SDR42E1: variants seen among roughly 807,000 people sequenced by gnomAD.
SDR42E1 encodes short-chain dehydrogenase/reductase family 42E member 1.
In SDR42E1, 5 loss-of-function variants were observed where a neutral mutation model predicts 2.6. The observed-to-expected ratio is 1.94, with a 90% CI of 1.01 to 4.08. The LOEUF (loss-of-function observed/expected upper bound fraction) is 4.08, where lower values mean the gene tolerates loss of function less well. Ranked by LOEUF, SDR42E1 falls within the 30% of genes most tolerant of loss-of-function variation. The pLI is 0.00. For missense variants in SDR42E1, 596 were observed against 478.6 expected (o/e 1.25, Z -2.29); for synonymous variants, 231 against 188.3 (o/e 1.23, Z -1.86).
chr16:82,008,052 T>G (rs916502019), intron 1 of SDR42E1, among the ~76,000 whole-genome samples: 1 of 152,194 alleles, frequency 6.6e-6, no homozygotes, highest in African/African-American at 2.4e-5. Flanking sequence ...TCCTGTGCTA[T>G]TCTCATGATA....
At chr16:82,000,664 G>T in intron 2 of SDR42E1, 127 bp downstream of exon 2, 1 of 704,138 alleles carries the variant, frequency 1.4e-6, no homozygotes, top group Non-Finnish European at 2.4e-6. Context: ...TGAGCAGTGG[G>T]CAACACAGAT....
intron 1 of SDR42E1, among the ~76,000 whole-genome samples, chr16:82,005,484 A>G (rs1353435417): frequency 6.6e-6 from 1 of 152,178 alleles, no homozygotes; most frequent in Non-Finnish European, 1.5e-5. Flanking sequence ...GATCCCCAAC[A>G]TTGATAAGCA....
intron 1 of SDR42E1, among the ~76,000 whole-genome samples, chr16:82,008,431 T>C (rs1032473687): frequency 6.6e-6 from 1 of 152,212 alleles, no homozygotes; most frequent in Non-Finnish European, 1.5e-5. Flanking sequence ...TGGAACTTCC[T>C]AGAGACTTGT....
At chr16:82,001,550 C>G (rs765858619) in intron 1 of SDR42E1, among the ~76,000 whole-genome samples, 4 of 151,982 alleles carry the variant, frequency 2.6e-5, no homozygotes, top group Non-Finnish European at 4.4e-5. Context: ...TCCAAGGCCC[C>G]CTTCTCCCAA....
chr16:81,994,419 A>T lies in SDR42E1; in HGVS notation c.*4692T>A, dbSNP rs1294779029. On this transcript the variant is annotated 3_prime_UTR_variant, in exon 3 of 3. Coordinates refer to ENST00000328945, the MANE Select transcript of SDR42E1 (RefSeq NM_145168.3). ...CTCTGGGAGAAAGGCTGAAAGGATGACGCTGACTGGCCCATCGTGGCCCAA... is the reference window on the plus strand; with the variant it reads ...CTCTGGGAGAAAGGCTGAAAGGATGTCGCTGACTGGCCCATCGTGGCCCAA... The T allele has an allele frequency of 2.0e-5, 3 of 152,276 alleles. No homozygotes were observed. Among genetic ancestry groups the T allele is most frequent in the East Asian group, 3.9e-4 (2 of 5,190 alleles). The allele number at this position is 152,276 out of a possible 1,614,324, so 9.4% of individuals were successfully genotyped here. A position where few individuals can be genotyped will look rare whatever the true frequency, so the allele number is the denominator to read the frequency against.
At chr16:82,001,956 G>A (rs1247357831) in intron 1 of SDR42E1, among the ~76,000 whole-genome samples, 1 of 130,266 alleles carries the variant, frequency 7.7e-6, no homozygotes, top group African/African-American at 4.4e-5. Flanking sequence ...GGCACTGGGT[G>A]CGTATACACA....
Position 81,998,967 on chromosome 16 carries a change from A to G in SDR42E1, c.*144T>C. On this transcript the variant is annotated 3_prime_UTR_variant, in exon 3 of 3. Coordinates refer to ENST00000328945, the MANE Select transcript of SDR42E1 (RefSeq NM_145168.3). ...GGATTAGTGCAAGGAAATAAGACAT[A>G]AAGATTCAATCCAAGAACCTATTCT... 1.2e-6 allele frequency: 1 copy of G among 805,614 alleles called. No homozygotes were observed. The highest frequency in any genetic ancestry group is 1.9e-6 in the Non-Finnish European group (1 of 523,672). 49.9% of individuals were successfully genotyped at this position (805,614 alleles called of 1,614,324 possible).
In SDR42E1 at chr16:81,992,465, G is replaced by T. The variant is rs1912449421; in HGVS notation, c.*6646C>A. The T allele has an allele frequency of 6.6e-6, 1 of 152,120 alleles. No homozygotes were observed. Among genetic ancestry groups the T allele is most frequent in the African/African-American group, 2.4e-5 (1 of 41,426 alleles). The allele number at this position is 152,120 out of a possible 1,614,324, so 9.4% of individuals were successfully genotyped here. On this transcript the variant is annotated 3_prime_UTR_variant, in exon 3 of 3. Transcript: ENST00000328945. ...GACACTAACTCCTAGTGACTGTTAA[G>T]AGCAAAAGACGACTCATTCTTATAA...
intron 2 of SDR42E1, 37 bp downstream of exon 2, chr16:82,000,754 A>G: frequency 6.7e-7 from 1 of 1,491,636 alleles, no homozygotes; most frequent in Non-Finnish European, 9.3e-7. Flanking sequence ...ACTACCAGTA[A>G]AATAATTCCA....
chr16:81,990,135 G>A lies in SDR42E1; in HGVS notation c.*8976C>T, dbSNP rs1174472235. On this transcript the variant is annotated 3_prime_UTR_variant, in exon 3 of 3. Coordinates refer to ENST00000328945, the MANE Select transcript of SDR42E1 (RefSeq NM_145168.3). ...GAGACCAGCCTGGGCAAAACGGTGA[G>A]ACCCTGTCTCTACAAAAGACGACAG... The A allele has an allele frequency of 6.6e-6, 1 of 152,270 alleles. No individual in the cohort carries two copies. The highest frequency in any genetic ancestry group is 1.5e-5 in the Non-Finnish European group (1 of 68,140). 9.4% of individuals were successfully genotyped at this position (152,270 alleles called of 1,614,324 possible).
At chr16:82,002,032 G>A (rs1432648021) in intron 1 of SDR42E1, among the ~76,000 whole-genome samples, 1 of 150,822 alleles carries the variant, frequency 6.6e-6, no homozygotes, top group Admixed American at 6.6e-5. Context: ...TCAGAGGTGT[G>A]GTTAGGCATG....
intron 1 of SDR42E1, among the ~76,000 whole-genome samples, chr16:82,009,539 A>G (rs1913057457): frequency 6.6e-6 from 1 of 152,238 alleles, no homozygotes; most frequent in African/African-American, 2.4e-5. Flanking sequence ...TTAGACTTGC[A>G]TGGGGCCTGT....
rs1912428391 is a variant in SDR42E1, at chr16:81,991,521, A to C, written c.*7590T>G. The C allele has an allele frequency of 6.6e-6, 1 of 152,048 alleles. No individual in the cohort carries two copies. Among genetic ancestry groups the C allele is most frequent in the Non-Finnish European group, 1.5e-5 (1 of 68,028 alleles). 9.4% of individuals were successfully genotyped at this position (152,048 alleles called of 1,614,324 possible). ...TGCTTGGGGCAAGGAATTCAAGACC[A>C]GCCCAGGTAACATAGTGAAACACCG... On this transcript the variant is annotated 3_prime_UTR_variant, in exon 3 of 3. Transcript: ENST00000328945.
intron 1 of SDR42E1, among the ~76,000 whole-genome samples, chr16:82,010,520 C>T (rs1036402395): frequency 6.6e-6 from 1 of 152,174 alleles, no homozygotes; most frequent in African/African-American, 2.4e-5. Flanking sequence ...TAGGGCAAAC[C>T]TGCCTCCCAT....
chr16:82,011,068 C>A (rs1047531576), intron 1 of SDR42E1, among the ~76,000 whole-genome samples: 1 of 152,172 alleles, frequency 6.6e-6, no homozygotes, highest in African/African-American at 2.4e-5. Context: ...CCAAAGTGTG[C>A]AGAAAATCAA....
rs1460039705 is a variant in SDR42E1, at chr16:81,992,277, A to G, written c.*6834T>C. On this transcript the variant is annotated 3_prime_UTR_variant, in exon 3 of 3. Coordinates refer to ENST00000328945, the MANE Select transcript of SDR42E1 (RefSeq NM_145168.3). Reference sequence around the variant, plus strand: ...TAGTTAACTAGGGTGACAGGTTAATATTGATCATTAGCTTCATGTTGAACA... The same window carrying G: ...TAGTTAACTAGGGTGACAGGTTAATGTTGATCATTAGCTTCATGTTGAACA... 1 of 152,244 alleles carries G rather than the reference A, an allele frequency of 6.6e-6. No individual in the cohort carries two copies. Among genetic ancestry groups the G allele is most frequent in the East Asian group, 1.9e-4 (1 of 5,196 alleles). The allele number at this position is 152,244 out of a possible 1,614,324, so 9.4% of individuals were successfully genotyped here. A position where few individuals can be genotyped will look rare whatever the true frequency, so the allele number is the denominator to read the frequency against.
At position 81,999,271 on chromosome 16, in the gene SDR42E1, A is replaced by G; in HGVS notation, c.1022T>C (p.Phe341Ser). 1 of 1,614,216 alleles carries G rather than the reference A, an allele frequency of 6.2e-7. No individual in the cohort carries two copies. The highest frequency in any genetic ancestry group is 2.2e-5 in the East Asian group (1 of 44,876). The change falls in exon 3 of 3, where the codon TTT becomes TCT. Residue 341 changes from phenylalanine (F) to serine (S), a missense_variant. Phe to Ser is a radical substitution (Grantham distance 155, BLOSUM62 -2). Transcript: ENST00000328945. ...CCATTCCACTGCTTCCTGGAGGTCA[A>G]ATGGCTGAGCCTTATAACCTAGCTC... Reference protein sequence around the residue: ...KKELGYKAQPFDLQEAVEWFK... With the variant: ...KKELGYKAQPSDLQEAVEWFK...
chr16:82,005,463 C>T (rs1180816825), intron 1 of SDR42E1, among the ~76,000 whole-genome samples: 1 of 152,190 alleles, frequency 6.6e-6, no homozygotes, highest in Non-Finnish European at 1.5e-5. Flanking sequence ...GGAGCCGCCT[C>T]CTCCCTTCCT....
intron 1 of SDR42E1, among the ~76,000 whole-genome samples, chr16:82,008,960 C>T (rs965725554): frequency 2.0e-5 from 3 of 152,212 alleles, no homozygotes; most frequent in Non-Finnish European, 2.9e-5. Context: ...TGCTCTGCGT[C>T]CCAGCTGCTC....
Sources: gnomAD v4.1 joint callset for allele counts (sites outside exome capture counted in the v4.1 genomes callset) on GRCh38, gnomAD v4.1.1 for gene constraint, MANE v1.5 for transcripts, NCBI Gene and HGNC (gene_info 2026-07-23, HGNC 2026-07-21) for gene names.